The following TM9SF1 variants were observed in gnomAD, a reference collection of about 807,000 sequenced individuals.
TM9SF1 encodes transmembrane 9 superfamily member 1, also known as MP70 protein family member.
A neutral mutation model predicts 52.4 loss-of-function variants in TM9SF1; 25 were observed. The observed-to-expected ratio is 0.48, with a 90% CI of 0.35 to 0.67. The LOEUF (loss-of-function observed/expected upper bound fraction) is 0.67, where lower values mean the gene tolerates loss of function less well. TM9SF1 is among the 30% of genes least tolerant of loss of function. The pLI is 0.01. For missense variants in TM9SF1, 604 were observed against 780.3 expected (o/e 0.77, Z 2.69); for synonymous variants, 284 against 299.8 (o/e 0.95, Z 0.55).
At position 24,190,494 on chromosome 14, in the gene TM9SF1, G is replaced by T. The variant is rs779541420; in HGVS notation, c.1313C>A (p.Ala438Asp). ...GCGACAGGGTGCATCAAAGGGGCTGGCGTTGTTCTTCCCAAAGATGCCTCC... is the reference window on the plus strand; with the variant it reads ...GCGACAGGGTGCATCAAAGGGGCTGTCGTTGTTCTTCCCAAAGATGCCTCC... ...VIGGIFGKNN[A>D]SPFDAPCRTK... The change falls in exon 5 of 6, where the codon GCC becomes GAC. Residue 438 changes from alanine to aspartate, a missense_variant. Coordinates refer to ENST00000261789, the MANE Select transcript of TM9SF1 (RefSeq NM_006405.7). The T allele has an allele frequency of 1.2e-6, 2 of 1,614,208 alleles. No homozygotes were observed. Among genetic ancestry groups the T allele is most frequent in the Admixed American group, 3.3e-5 (2 of 60,032 alleles).
rs758735037 is a variant in TM9SF1, at chr14:24,194,822, G to T, written c.198C>A (p.Val66=). The T allele has an allele frequency of 6.2e-7, 1 of 1,614,114 alleles. No individual in the cohort carries two copies. The highest frequency in any genetic ancestry group is 8.5e-7 in the Non-Finnish European group (1 of 1,180,050). The part of the protein sequence containing the change: ...QETYHYYQLP[V]CCPEKIRHKS... ...TGTGACGTATCTTCTCAGGGCAGCAGACTGGAAGCTGATAGTAGTGGTAAG... is the reference window on the plus strand; with the variant it reads ...TGTGACGTATCTTCTCAGGGCAGCATACTGGAAGCTGATAGTAGTGGTAAG... The change falls in exon 2 of 6, where the codon GTC becomes GTA. Residue 66 remains valine, a synonymous_variant. Coordinates refer to ENST00000261789, the MANE Select transcript of TM9SF1 (RefSeq NM_006405.7).
At position 24,194,728 on chromosome 14, in the gene TM9SF1, G is replaced by C; in HGVS notation, c.292C>G (p.Arg98Gly). ...AGAATTCTCTTCTCCACGTTTTCCC[G>C]AAAGCGGATCTCATACAAAGACTCA... ...MAESLYEIRFRENVEKRILCH... is the reference protein window; with the variant it reads ...MAESLYEIRFGENVEKRILCH... The change falls in exon 2 of 6, where the codon CGG becomes GGG. Residue 98 changes from arginine (R) to glycine (G), a missense_variant. Transcript: ENST00000261789. The C allele has an allele frequency of 6.2e-7, 1 of 1,614,188 alleles. No individual in the cohort carries two copies. The highest frequency in any genetic ancestry group is 8.5e-7 in the Non-Finnish European group (1 of 1,180,016).
At chr14:24,193,774 G>T (rs1258274187) in intron 2 of TM9SF1, among the ~76,000 whole-genome samples, 2 of 151,672 alleles carry the variant, frequency 1.3e-5, no homozygotes, top group Admixed American at 1.3e-4. Context: ...CAAAAAATTA[G>T]CTGGGCGTGG....
Position 24,189,442 on chromosome 14 carries a change from A to G in TM9SF1, c.1794T>C (p.Tyr598=). The G allele has an allele frequency of 1.2e-6, 2 of 1,614,056 alleles. No individual in the cohort carries two copies. Among genetic ancestry groups the G allele is most frequent in the East Asian group, 2.2e-5 (1 of 44,882 alleles). Reference sequence around the variant, plus strand: ...AGTCCATCTTGAGGTTAACATAGATATACCGGATGAACTTTAGGGAAGAAA... The same window carrying G: ...AGTCCATCTTGAGGTTAACATAGATGTACCGGATGAACTTTAGGGAAGAAA... The part of the protein sequence containing the change: ...SFFSSLKFIR[Y]IYVNLKMD Residue 598 remains tyrosine (Y), a synonymous_variant, in exon 6 of 6, where the codon TAT becomes TAC. Coordinates refer to ENST00000261789, the MANE Select transcript of TM9SF1 (RefSeq NM_006405.7).
intron 2 of TM9SF1, among the ~76,000 whole-genome samples, 198 bp from the exon 3 acceptor site, chr14:24,193,467 A>C (rs1464681052): frequency 6.6e-6 from 1 of 151,844 alleles, no homozygotes; most frequent in African/African-American, 2.4e-5. Flanking sequence ...CCTGGGTTCA[A>C]GCAATTCTCC....
intron 4 of TM9SF1, among the ~76,000 whole-genome samples, chr14:24,190,872 TTTTTTTTG>T (rs2039313350): frequency 2.1e-5 from 3 of 139,680 alleles, no homozygotes; most frequent in African/African-American, 8.1e-5. Context: ...TTTTTTTTTT[TTTTTTTTG>T]AGACAGAGTC....
chr14:24,189,209 G>C lies in TM9SF1; in HGVS notation c.*206C>G, dbSNP rs138656293. ...AAGAAAAATCAGGACCAAAACTAAAGGCAACTTAAAAAGTTCAAATATATA... is the reference window on the plus strand; with the variant it reads ...AAGAAAAATCAGGACCAAAACTAAACGCAACTTAAAAAGTTCAAATATATA... On this transcript the variant is annotated 3_prime_UTR_variant, in exon 6 of 6. Transcript: ENST00000261789. 1 of 515,176 alleles carries C rather than the reference G, an allele frequency of 1.9e-6. No homozygotes were observed. Among genetic ancestry groups the C allele is most frequent in the African/African-American group, 1.9e-5 (1 of 52,112 alleles). The allele number at this position is 515,176 out of a possible 1,614,324, so 31.9% of individuals were successfully genotyped here.
chr14:24,194,570 A>T, intron 2 of TM9SF1, 105 bp downstream of exon 2: 2 of 1,113,924 alleles, frequency 1.8e-6, no homozygotes, highest in Non-Finnish European at 2.6e-6. Context: ...TTGTAGTTAG[A>T]ATCAAATCAG....
chr14:24,190,345 C>G, intron 5 of TM9SF1, 35 bp downstream of exon 5: 1 of 1,537,260 alleles, frequency 6.5e-7, no homozygotes. Flanking sequence ...GGTCAGGAAC[C>G]TGACAGTAAT....
chr14:24,189,915 T>C, intron 5 of TM9SF1, 107 bp from the exon 6 acceptor site: 14 of 1,456,294 alleles, frequency 9.6e-6, no homozygotes, highest in Non-Finnish European at 1.2e-5. Flanking sequence ...TGGGTCATTG[T>C]GAAAAGTGAG....
intron 1 of TM9SF1, 67 bp downstream of exon 1, chr14:24,195,279 T>A: frequency 2.1e-6 from 1 of 484,616 alleles, no homozygotes; most frequent in Non-Finnish European, 3.7e-6. Context: ...CCCTGGCCCG[T>A]TTCCATGGCA....
chr14:24,191,145 A>C (rs954018776), intron 4 of TM9SF1, among the ~76,000 whole-genome samples: 1 of 152,078 alleles, frequency 6.6e-6, no homozygotes. Context: ...GATTACAGGC[A>C]TGAGCCACCA....
rs774901922 is a variant in TM9SF1, at chr14:24,194,787, C to T, written c.233G>A (p.Ser78Asn). Residue 78 changes from serine (S) to asparagine (N), a missense_variant, in exon 2 of 6, where the codon AGC (serine) becomes AAC (asparagine). Around this residue, in one of 3 missense-constraint regions of TM9SF1, gnomAD observed 450 missense variants for 560.1 expected, o/e 0.80. Coordinates refer to ENST00000261789, the MANE Select transcript of TM9SF1 (RefSeq NM_006405.7). The stretch of plus-strand genomic sequence containing the variant: ...GTCCCCATCCAGCACTTCACCCAGG[C>T]TAAGGCTTTTGTGACGTATCTTCTC... ...CPEKIRHKSL[S>N]LGEVLDGDRM... is the part of the protein sequence containing the mutation. 2 of 1,614,214 alleles carry T rather than the reference C, an allele frequency of 1.2e-6. No individual in the cohort carries two copies. The highest frequency in any genetic ancestry group is 1.1e-5 in the South Asian group (1 of 91,090).
chr14:24,192,779 G>A lies in TM9SF1; in HGVS notation c.836C>T (p.Ser279Phe). The change falls in exon 3 of 6, where the codon TCT (serine) becomes TTT (phenylalanine). Residue 279 changes from serine (S) to phenylalanine (F), a missense_variant. Physicochemically the swap from Ser to Phe is radical, Grantham distance 155. This residue lies in a region of TM9SF1 where 450 missense variants were observed against 560.1 expected (regional missense o/e 0.80). Coordinates refer to ENST00000261789, the MANE Select transcript of TM9SF1 (RefSeq NM_006405.7). The surrounding 1 kb of genome is among the most constrained non-coding windows in gnomAD (Gnocchi z 4.0). ...NLDEETTSAGSGDDFDQGDNG... is the reference protein window; with the variant it reads ...NLDEETTSAGFGDDFDQGDNG... ...GTCACCCTGGTCAAAGTCATCACCA[G>A]AACCTGCAGAGGTGGTCTCCTCATC... 6.2e-7 allele frequency: 1 copy of A among 1,614,166 alleles called. No homozygotes were observed. Among genetic ancestry groups the A allele is most frequent in the Non-Finnish European group, 8.5e-7 (1 of 1,180,018 alleles).
chr14:24,190,066 T>C, intron 5 of TM9SF1: 1 of 1,357,124 alleles, frequency 7.4e-7, no homozygotes, highest in Admixed American at 3.3e-5. Flanking sequence ...ATTCTTTGCC[T>C]GGCACAAAGA....
chr14:24,195,041 T>C lies in TM9SF1; in HGVS notation c.-17-5A>G. 6.2e-7 allele frequency: 1 copy of C among 1,603,052 alleles called. No homozygotes were observed. The highest frequency in any genetic ancestry group is 8.5e-7 in the Non-Finnish European group (1 of 1,171,784). ...TCATCCTTAAGGCAGTGGAACCTGT[T>C]TGGGGGAATCCTGAGGTTATAGAAA... On this transcript the variant is annotated splice_polypyrimidine_tract_variant and splice_region_variant and intron_variant, in intron 1 of 5. Coordinates refer to ENST00000261789, the MANE Select transcript of TM9SF1 (RefSeq NM_006405.7).
rs2039346739 is a variant in TM9SF1, at chr14:24,193,003, A to AT, written c.611dup (p.Tyr204Ter). Residue 204 changes from tyrosine (Y) to a stop codon, truncating the protein, a stop_gained and frameshift_variant, in exon 3 of 6, where the codon TAT becomes TAAT. Coordinates refer to ENST00000261789, the MANE Select transcript of TM9SF1 (RefSeq NM_006405.7). LOFTEE classifies it high-confidence loss of function. ...CTGAAGTCTCAGACCAGCGCACGCT[A>AT]TAAGTGTGGGTAAGGCCTAGGAACT... Reference protein sequence around the residue: ...PDEFLGLTHTYSVRWSETSVE... With the variant: ...PDEFLGLTHT 6.2e-7 allele frequency: 1 copy of AT among 1,614,100 alleles called. No individual in the cohort carries two copies. The highest frequency in any genetic ancestry group is 8.5e-7 in the Non-Finnish European group (1 of 1,180,038).
Position 24,192,214 on chromosome 14 carries a change from C to A in TM9SF1, c.1110G>T (p.Glu370Asp). ...TGAGAATGATGTTCCACACCCAACG[C>A]TCGCCTCCAATCTGCCGGTAGAAGT... ...SSHFYRQIGGERWVWNIILTT... is the reference protein window; with the variant it reads ...SSHFYRQIGGDRWVWNIILTT... The change falls in exon 4 of 6, where the codon GAG (glutamate) becomes GAT (aspartate). Residue 370 changes from glutamate (E) to aspartate (D), a missense_variant. Physicochemically the swap from Glu to Asp is conservative, Grantham distance 45. Around this residue, in one of 3 missense-constraint regions of TM9SF1, gnomAD observed 450 missense variants for 560.1 expected, o/e 0.80. Coordinates refer to ENST00000261789, the MANE Select transcript of TM9SF1 (RefSeq NM_006405.7). The surrounding 1 kb of genome is among the most constrained non-coding windows in gnomAD (Gnocchi z 4.0). 1 of 1,614,206 alleles carries A rather than the reference C, an allele frequency of 6.2e-7. No homozygotes were observed. Among genetic ancestry groups the A allele is most frequent in the South Asian group, 1.1e-5 (1 of 91,092 alleles).
In TM9SF1 at chr14:24,190,380, C is replaced by A; in HGVS notation, c.1427G>T (p.Ser476Ile). 6.4e-7 allele frequency: 1 copy of A among 1,569,192 alleles called. No homozygotes were observed. The highest frequency in any genetic ancestry group is 8.7e-7 in the Non-Finnish European group (1 of 1,155,756). The change falls in exon 5 of 6, where the codon AGT becomes ATT. Residue 476 changes from serine to isoleucine, a missense_variant and splice_region_variant. Coordinates refer to ENST00000261789, the MANE Select transcript of TM9SF1 (RefSeq NM_006405.7). ...HMTVGGFLPFSAISVELYYIF... is the reference protein window; with the variant it reads ...HMTVGGFLPFIAISVELYYIF... ...TAGCCATGGAATAAAGGGAGGATAC[C>A]TGAAAGGCAGGAAGCCTCCAACAGT...
Sources: allele counts gnomAD v4.1 joint callset (sites outside exome capture counted in the v4.1 genomes callset), GRCh38; gene constraint gnomAD v4.1.1; regional missense constraint gnomAD v4.1.1; non-coding constraint Gnocchi (gnomAD v3.1); transcripts MANE v1.5; gene names NCBI Gene and HGNC (gene_info 2026-07-23, HGNC 2026-07-21).